The following PPFIBP2 variants were observed in gnomAD, a reference collection of about 807,000 sequenced individuals.
The protein encoded by PPFIBP2 is liprin-beta-2.
In PPFIBP2, 118 loss-of-function variants were observed where a neutral mutation model predicts 118.3. That is an observed-to-expected ratio of 1.00 (90% CI 0.86 to 1.16). The LOEUF (loss-of-function observed/expected upper bound fraction) is 1.16. PPFIBP2 is among the 50% of genes most tolerant of loss of function. PPFIBP2 has a pLI of 0.00. For missense variants in PPFIBP2, 1,195 were observed against 1,073.1 expected (o/e 1.11, Z -1.59); for synonymous variants, 414 against 397.4 (o/e 1.04, Z -0.50).
the PPFIBP2 span, chr11:7,666,661 A>G: frequency 1.5e-6 from 1 of 668,468 alleles, no homozygotes; most frequent in Admixed American, 2.7e-5. Flanking sequence ...CTCCAGCTGG[A>G]GTGCTCGCTG....
At chr11:7,514,499 G>A (rs1416875310) in intron 1 of PPFIBP2, among the ~76,000 whole-genome samples, 1 of 152,222 alleles carries the variant, frequency 6.6e-6, no homozygotes, top group South Asian at 2.1e-4. Flanking sequence ...CAGCGGCGTG[G>A]ACTAGGGAGC....
chr11:7,547,692 G>C (rs975737062), intron 1 of PPFIBP2, among the ~76,000 whole-genome samples: 1 of 152,058 alleles, frequency 6.6e-6, no homozygotes, highest in Non-Finnish European at 1.5e-5. Context: ...GCCTTTTCTG[G>C]CTCCTGCCAG....
intron 1 of PPFIBP2, among the ~76,000 whole-genome samples, chr11:7,541,467 T>A (rs919947078): frequency 6.6e-6 from 1 of 152,184 alleles, no homozygotes; most frequent in Non-Finnish European, 1.5e-5. Flanking sequence ...TGCACCTGAC[T>A]GCGCCCTCTA....
chr11:7,653,339 G>T lies in PPFIBP2; in HGVS notation c.*121G>T. On this transcript the variant is annotated 3_prime_UTR_variant, in exon 24 of 24. Coordinates refer to ENST00000299492, the MANE Select transcript of PPFIBP2 (RefSeq NM_003621.5). ...ACTCGCAGAGAATATTCCAGCAATT[G>T]TGTACCCCTGGGCCAGTCTCTTTGA... 6.7e-7 allele frequency: 1 copy of T among 1,502,790 alleles called. No homozygotes were observed. The highest frequency in any genetic ancestry group is 1.3e-5 in the South Asian group (1 of 76,038). 93.1% of individuals were successfully genotyped at this position (1,502,790 alleles called of 1,614,324 possible).
chr11:7,549,689 C>T, intron 2 of PPFIBP2, 150 bp downstream of exon 2: 1 of 816,678 alleles, frequency 1.2e-6, no homozygotes. Flanking sequence ...TATGTAATCT[C>T]TTTTTTTTCT....
At chr11:7,564,274 A>G (rs1854687578) in intron 2 of PPFIBP2, among the ~76,000 whole-genome samples, 1 of 152,140 alleles carries the variant, frequency 6.6e-6, no homozygotes, top group Non-Finnish European at 1.5e-5. Context: ...CTCTCTCTAG[A>G]TACTCATTCA....
intron 20 of PPFIBP2, 111 bp from the exon 21 acceptor site, chr11:7,649,421 G>A: frequency 2.8e-6 from 4 of 1,437,054 alleles, no homozygotes; most frequent in African/African-American, 1.4e-5. Context: ...GTCTCCACGT[G>A]CACCTTCCTG....
the PPFIBP2 span, chr11:7,665,910 G>GT: frequency 6.5e-7 from 1 of 1,536,180 alleles, no homozygotes; most frequent in African/African-American, 1.4e-5. Context: ...GAATTGCTCA[G>GT]TAGGGTAGCG....
At chr11:7,524,777 C>T (rs2134283907) in intron 1 of PPFIBP2, among the ~76,000 whole-genome samples, 1 of 151,860 alleles carries the variant, frequency 6.6e-6, no homozygotes, top group South Asian at 2.1e-4. Context: ...GTGGATTGGC[C>T]TGAGGGGGTG....
intron 1 of PPFIBP2, among the ~76,000 whole-genome samples, chr11:7,520,302 G>C (rs1398668784): frequency 6.6e-6 from 1 of 152,078 alleles, no homozygotes; most frequent in Non-Finnish European, 1.5e-5. Context: ...TGGTTTTCAG[G>C]GGGTACGTGT....
At chr11:7,536,832 G>A (rs1048100731) in intron 1 of PPFIBP2, among the ~76,000 whole-genome samples, 1 of 152,076 alleles carries the variant, frequency 6.6e-6, no homozygotes, top group Non-Finnish European at 1.5e-5. Context: ...GCTGGAGAGA[G>A]GTGAGGACTC....
chr11:7,654,431 C>A (rs1428611332), downstream of PPFIBP2, among the ~76,000 whole-genome samples: 2 of 152,238 alleles, frequency 1.3e-5, no homozygotes, highest in South Asian at 2.1e-4. Context: ...CACGTCACCG[C>A]TGTCTGATGG....
At position 7,630,910 on chromosome 11, in the gene PPFIBP2, C is replaced by T. The variant is rs1850670837; in HGVS notation, c.965-15C>T. ...TGAATTCAACAATTCAGTCTTACTA[C>T]CTTAATGCTTGCAGGGCCTTCGGAG... On this transcript the variant is annotated splice_polypyrimidine_tract_variant and intron_variant, in intron 10 of 23. Coordinates refer to ENST00000299492, the MANE Select transcript of PPFIBP2 (RefSeq NM_003621.5). 6.3e-7 allele frequency: 1 copy of T among 1,595,364 alleles called. No homozygotes were observed. The highest frequency in any genetic ancestry group is 8.6e-7 in the Non-Finnish European group (1 of 1,162,928).
chr11:7,646,372 T>C (rs1853064132), intron 17 of PPFIBP2, among the ~76,000 whole-genome samples: 1 of 152,220 alleles, frequency 6.6e-6, no homozygotes, highest in African/African-American at 2.4e-5. Context: ...TTTAAATGAT[T>C]CTAAAAATGT....
chr11:7,630,865 C>T (rs72851307), intron 10 of PPFIBP2, 60 bp from the exon 11 acceptor site: 86,604 of 1,213,306 alleles, frequency 0.071, 3,543 homozygotes, highest in Middle Eastern at 0.1. Flanking sequence ...TTTTGTGGTA[C>T]GATTATAGGT....
At chr11:7,581,605 C>G (rs188540293) in intron 3 of PPFIBP2, among the ~76,000 whole-genome samples, 2 of 152,146 alleles carry the variant, frequency 1.3e-5, no homozygotes, top group Non-Finnish European at 2.9e-5. Context: ...GGTCTCCTCA[C>G]TCCAGACACT....
chr11:7,590,839 T>C (rs187542350), intron 3 of PPFIBP2, among the ~76,000 whole-genome samples: 244 of 152,360 alleles, frequency 1.6e-3, no homozygotes, highest in African/African-American at 5.7e-3. Flanking sequence ...CTGTTTACTA[T>C]AAGGGTGTCA....
At chr11:7,666,398 G>A in the PPFIBP2 span, 1 of 1,141,828 alleles carries the variant, frequency 8.8e-7, no homozygotes, top group Non-Finnish European at 1.3e-6. Flanking sequence ...AGTCCTCAAA[G>A]TGGTCAAGGG....
intron 1 of PPFIBP2, among the ~76,000 whole-genome samples, chr11:7,520,223 A>G (rs755877761): frequency 1.1e-4 from 16 of 152,226 alleles, no homozygotes; most frequent in Non-Finnish European, 1.6e-4. Flanking sequence ...GGGGTTTTAC[A>G]GTCTCCTGTA....
Sources: allele counts gnomAD v4.1 joint callset (sites outside exome capture counted in the v4.1 genomes callset), GRCh38; gene constraint gnomAD v4.1.1; transcripts MANE v1.5; gene names NCBI Gene and HGNC (gene_info 2026-07-23, HGNC 2026-07-21).